ANK3: variants seen among roughly 807,000 people sequenced by gnomAD.
ANK3 encodes ankyrin 3.
ANK3 carries 57 observed loss-of-function variants against 370.9 expected under a neutral mutation model. The observed-to-expected ratio is 0.15, with a 90% CI of 0.12 to 0.19. The LOEUF (loss-of-function observed/expected upper bound fraction) is 0.19, where lower values mean the gene tolerates loss of function less well. Ranked by LOEUF, ANK3 falls within the 10% of genes least tolerant of loss-of-function variation. The pLI is 1.00. For synonymous variants in ANK3, 1,929 were observed against 1,946.3 expected (o/e 0.99, Z 0.23); for missense variants, 4,439 against 5,302.1 (o/e 0.84, Z 5.06).
intron 1 of ANK3, among the ~76,000 whole-genome samples, chr10:60,384,070 G>A (rs1344394133): frequency 6.6e-6 from 1 of 152,122 alleles, no homozygotes; most frequent in Non-Finnish European, 1.5e-5. Flanking sequence ...TATGACCTCA[G>A]ACAAGGTATT....
intron 1 of ANK3, among the ~76,000 whole-genome samples, chr10:60,618,051 G>A (rs1412624773): frequency 2.6e-5 from 4 of 152,030 alleles, no homozygotes; most frequent in African/African-American, 9.7e-5. Flanking sequence ...TTTATTTTAT[G>A]ATATTAAATT....
chr10:60,214,800 T>C (rs1336294234), intron 8 of ANK3, among the ~76,000 whole-genome samples: 1 of 152,232 alleles, frequency 6.6e-6, no homozygotes, highest in Non-Finnish European at 1.5e-5. Context: ...TTTGCTATTG[T>C]AAATAGTGCT....
At chr10:60,435,036 C>G (rs996058251) in intron 2 of ANK3, among the ~76,000 whole-genome samples, 2 of 152,204 alleles carry the variant, frequency 1.3e-5, no homozygotes, top group African/African-American at 4.8e-5. Context: ...TTGCGATTAT[C>G]TGAATACTAC....
chr10:60,699,251 C>G (rs559167943), intron 1 of ANK3, among the ~76,000 whole-genome samples: 1 of 151,668 alleles, frequency 6.6e-6, no homozygotes, highest in Admixed American at 6.6e-5. Context: ...TAACCAAACA[C>G]CATCTGTACC....
At chr10:60,181,223 A>C in intron 18 of ANK3, 106 bp downstream of exon 18, 2 of 992,886 alleles carry the variant, frequency 2.0e-6, no homozygotes, top group Non-Finnish European at 3.1e-6. Flanking sequence ...TACGTAGAAA[A>C]GAGATGATTA....
intron 4 of ANK3, among the ~76,000 whole-genome samples, chr10:60,271,211 C>T (rs1354054747): frequency 6.6e-6 from 1 of 151,928 alleles, no homozygotes; most frequent in East Asian, 1.9e-4. Context: ...CAGGGTCTCG[C>T]TCCATTGCTC....
intron 1 of ANK3, among the ~76,000 whole-genome samples, chr10:60,636,398 C>T (rs2078555243): frequency 6.6e-6 from 1 of 152,148 alleles, no homozygotes; most frequent in African/African-American, 2.4e-5. Flanking sequence ...AATCAACCTC[C>T]AAAGTCTCAA....
At chr10:60,188,512 T>G (rs2096400909) in intron 16 of ANK3, among the ~76,000 whole-genome samples, 1 of 152,160 alleles carries the variant, frequency 6.6e-6, no homozygotes, top group African/African-American at 2.4e-5. Context: ...TGACAATGGA[T>G]CAGTCACAAT....
intron 28 of ANK3, among the ~76,000 whole-genome samples, chr10:60,092,142 G>A (rs977341579): frequency 6.6e-6 from 1 of 152,138 alleles, no homozygotes; most frequent in Non-Finnish European, 1.5e-5. Context: ...AAGAGGGTAG[G>A]GAACAGGGAG....
chr10:60,093,398 C>T (rs761409514), intron 28 of ANK3, among the ~76,000 whole-genome samples: 1 of 152,214 alleles, frequency 6.6e-6, no homozygotes. Flanking sequence ...CATGAAATTA[C>T]ATCCTTCAAA....
chr10:60,533,422 T>C (rs1487070145), intron 2 of ANK3, among the ~76,000 whole-genome samples: 4 of 152,124 alleles, frequency 2.6e-5, no homozygotes, highest in Non-Finnish European at 5.9e-5. Flanking sequence ...CTCTCCAATC[T>C]TCTAAATCCC....
chr10:60,492,339 G>A (rs559667019), intron 2 of ANK3, among the ~76,000 whole-genome samples: 3 of 152,234 alleles, frequency 2.0e-5, no homozygotes, highest in Admixed American at 2.0e-4. Context: ...GAGTTGTGAG[G>A]TCTTTAAAAG....
chr10:60,272,477 CTTGT>C (rs1179633564), intron 4 of ANK3, among the ~76,000 whole-genome samples: 3 of 64,792 alleles, frequency 4.6e-5, no homozygotes, highest in Non-Finnish European at 1.1e-4. Context: ...TGTTGTTGTT[CTTGT>C]TTGTTTTTTT....
At chr10:60,305,499 C>A (rs12261675) in intron 1 of ANK3, among the ~76,000 whole-genome samples, 114,522 of 151,824 alleles carry the variant, frequency 0.75, 43,275 homozygotes, top group South Asian at 0.92. Flanking sequence ...GCCCTCTGCT[C>A]TCAATTTTTT....
At chr10:60,730,155 G>GTT in intron 1 of ANK3, among the ~76,000 whole-genome samples, 1 of 152,122 alleles carries the variant, frequency 6.6e-6, no homozygotes, top group Non-Finnish European at 1.5e-5. Flanking sequence ...AAAGATTTTT[G>GTT]TTTTTGAGAC....
intron 2 of ANK3, among the ~76,000 whole-genome samples, chr10:60,509,717 T>C (rs1306366766): frequency 2.0e-5 from 3 of 152,154 alleles, no homozygotes; most frequent in Admixed American, 2.0e-4. Context: ...ATTATTCCCT[T>C]AGAACAAACT....
intron 1 of ANK3, among the ~76,000 whole-genome samples, chr10:60,682,397 A>ATTT (rs11424594): frequency 1.1e-4 from 16 of 148,338 alleles, no homozygotes; most frequent in Non-Finnish European, 1.3e-4. Flanking sequence ...TCCGAGCCTC[A>ATTT]TTTTTTTTTT....
intron 2 of ANK3, among the ~76,000 whole-genome samples, chr10:60,414,060 T>A (rs2063612425): frequency 6.6e-6 from 1 of 152,146 alleles, no homozygotes; most frequent in African/African-American, 2.4e-5. Context: ...AAGTTGAACA[T>A]AAGAGGAAAT....
intron 1 of ANK3, among the ~76,000 whole-genome samples, chr10:60,288,302 C>T (rs1016029725): frequency 1.3e-5 from 2 of 152,148 alleles, no homozygotes; most frequent in African/African-American, 4.8e-5. Context: ...CTCTGGACTC[C>T]AACAGCACTT....
Sources: gnomAD v4.1 joint callset for allele counts (sites outside exome capture counted in the v4.1 genomes callset) on GRCh38, gnomAD v4.1.1 for gene constraint, MANE v1.5 for transcripts, NCBI Gene and HGNC (gene_info 2026-07-23, HGNC 2026-07-21) for gene names.